The following UTRN variants were observed in gnomAD, a reference collection of about 807,000 sequenced individuals.
The protein encoded by UTRN is utrophin.
UTRN carries 283 observed loss-of-function variants against 463.9 expected under a neutral mutation model. That is an observed-to-expected ratio of 0.61 (90% CI 0.55 to 0.67). The LOEUF (loss-of-function observed/expected upper bound fraction) is 0.67, where lower values mean the gene tolerates loss of function less well. Ranked by LOEUF, UTRN falls within the 30% of genes least tolerant of loss-of-function variation. The probability of loss-of-function intolerance (pLI) is 0.00; values close to 1 mark genes in which losing one functional copy is unlikely to be tolerated. For missense variants in UTRN, 3,922 were observed against 4,084.3 expected, an observed-to-expected ratio of 0.96 and a Z score of 1.08; for synonymous variants, 1,442 against 1,431.5, an observed-to-expected ratio of 1.01 and a Z score of -0.17.
chr6:144,474,498 A>T, intron 24 of UTRN, 106 bp from the exon 25 acceptor site: 1 of 1,204,096 alleles, frequency 8.3e-7, no homozygotes, highest in Non-Finnish European at 1.1e-6. Flanking sequence ...ACTGACTCTT[A>T]AGCAGTCTGC....
chr6:144,355,797 G>A (rs963273114), intron 2 of UTRN, among the ~76,000 whole-genome samples: 4 of 151,926 alleles, frequency 2.6e-5, no homozygotes, highest in Non-Finnish European at 5.9e-5. Flanking sequence ...ACATTACTAT[G>A]TTACGTTGAT....
intron 74 of UTRN, among the ~76,000 whole-genome samples, chr6:144,850,234 A>G (rs1782373374): frequency 6.6e-6 from 1 of 152,186 alleles, no homozygotes; most frequent in South Asian, 2.1e-4. Context: ...CTCCGTGGGC[A>G]GTTTTTCCAG....
intron 52 of UTRN, among the ~76,000 whole-genome samples, chr6:144,697,365 T>A (rs576955827): frequency 2.6e-5 from 4 of 152,314 alleles, no homozygotes; most frequent in African/African-American, 9.6e-5. Context: ...ATTTAAGTTT[T>A]AAAATGCTTA....
chr6:144,551,751 C>T (rs1185478389), intron 48 of UTRN, among the ~76,000 whole-genome samples: 1 of 152,168 alleles, frequency 6.6e-6, no homozygotes, highest in Non-Finnish European at 1.5e-5. Context: ...CAATCTGCTG[C>T]CACTACCCCT....
At chr6:144,578,049 A>G (rs1801609804) in intron 51 of UTRN, among the ~76,000 whole-genome samples, 1 of 152,072 alleles carries the variant, frequency 6.6e-6, no homozygotes, top group Non-Finnish European at 1.5e-5. Context: ...CTAAAAATAC[A>G]AAAATTAGTC....
chr6:144,498,925 G>C (rs1185520685), intron 33 of UTRN, among the ~76,000 whole-genome samples: 1 of 151,944 alleles, frequency 6.6e-6, no homozygotes, highest in African/African-American at 2.4e-5. Flanking sequence ...TGCCTGCCTC[G>C]GCCTCCCAAA....
Position 144,403,166 on chromosome 6 carries a change from A to G in UTRN, c.123A>G (p.Ile41Met), listed in dbSNP as rs1315776238. ...DVQKKTFTKWINARFSKSGKP... is the reference protein window; with the variant it reads ...DVQKKTFTKWMNARFSKSGKP... Reference sequence around the variant, plus strand: ...AGAAGAAAACCTTTACCAAATGGATAAATGCTCGATTTTCAAAGGTAACTG... The same window carrying G: ...AGAAGAAAACCTTTACCAAATGGATGAATGCTCGATTTTCAAAGGTAACTG... Residue 41 changes from isoleucine to methionine, a missense_variant, in exon 3 of 75, where the codon ATA becomes ATG. Coordinates refer to ENST00000367545, the MANE Select transcript of UTRN (RefSeq NM_007124.3). 23 of 1,613,578 alleles carry G rather than the reference A, an allele frequency of 1.4e-5. No individual in the cohort carries two copies. Among genetic ancestry groups the G allele is most frequent in the Non-Finnish European group, 1.9e-5 (23 of 1,179,740 alleles).
intron 51 of UTRN, among the ~76,000 whole-genome samples, chr6:144,610,924 C>T (rs1289513553): frequency 6.6e-6 from 1 of 152,052 alleles, no homozygotes; most frequent in African/African-American, 2.4e-5. Context: ...AACAATAGGG[C>T]AATCTCCATA....
rs111846389 is a variant in UTRN at position 144,653,313 on chromosome 6, C to T, written c.7480-25093C>T. On this transcript the variant is annotated intron_variant, in intron 51 of 74. Transcript: ENST00000367545. The stretch of plus-strand genomic sequence containing the variant: ...AAATTATCTCCCTCTTGGCCAGGCA[C>T]GGTGGCTCACGCCTGTAATCCTAGC... Among the ~76,000 whole-genome samples the T allele has an allele frequency of 1.6e-3, 238 of 152,260 alleles. 1 individual carries two copies. Among genetic ancestry groups the T allele is most frequent in the African/African-American group, 5.6e-3 (232 of 41,558 alleles).
intron 50 of UTRN, among the ~76,000 whole-genome samples, chr6:144,563,066 G>A (rs1800078731): frequency 6.6e-6 from 1 of 152,072 alleles, no homozygotes; most frequent in Non-Finnish European, 1.5e-5. Flanking sequence ...GATTTATTCA[G>A]TAAGATAACT....
At chr6:144,346,903 TATC>T (rs1310028896) in intron 2 of UTRN, among the ~76,000 whole-genome samples, 5 of 151,394 alleles carry the variant, frequency 3.3e-5, no homozygotes, top group African/African-American at 9.7e-5. Context: ...TCTATCTATC[TATC>T]ATCTATCTAT....
At chr6:144,614,543 G>T (rs963924630) in intron 51 of UTRN, among the ~76,000 whole-genome samples, 2 of 152,132 alleles carry the variant, frequency 1.3e-5, no homozygotes, top group Non-Finnish European at 2.9e-5. Context: ...TGGATTACAT[G>T]TCAGTTGCAT....
chr6:144,429,867 G>C, intron 9 of UTRN, 126 bp downstream of exon 9: 1 of 986,794 alleles, frequency 1.0e-6, no homozygotes, highest in Non-Finnish European at 1.5e-6. Context: ...GCTTACATTT[G>C]CATAAGAAGT....
At position 144,612,478 on chromosome 6, in the gene UTRN, C is replaced by T. The variant is rs150023738; in HGVS notation, c.7479+35190C>T. Among the ~76,000 whole-genome samples the T allele has an allele frequency of 1.3e-3, 200 of 151,898 alleles. 1 individual carries two copies. The highest frequency in any genetic ancestry group is 6.0e-3 in the South Asian group (29 of 4,802). ...CGTACATCTGATAAGGGGTTAACAG[C>T]CAATATATATAAGCACTCAACTCAG... On this transcript the variant is annotated intron_variant, in intron 51 of 74. Coordinates refer to ENST00000367545, the MANE Select transcript of UTRN (RefSeq NM_007124.3).
intron 13 of UTRN, among the ~76,000 whole-genome samples, chr6:144,442,050 G>A (rs184894829): frequency 6.6e-6 from 1 of 152,228 alleles, no homozygotes; most frequent in South Asian, 2.1e-4. Flanking sequence ...TGATGGGAGG[G>A]GCTGATGTGA....
chr6:144,488,480 A>G (rs1434919255), intron 29 of UTRN, among the ~76,000 whole-genome samples, 193 bp from the exon 30 acceptor site: 1 of 152,172 alleles, frequency 6.6e-6, no homozygotes, highest in East Asian at 1.9e-4. Flanking sequence ...ATAATTAGTA[A>G]TTCAGCTGCA....
chr6:144,806,674 A>G (rs1026520172), intron 65 of UTRN, among the ~76,000 whole-genome samples: 3 of 134,462 alleles, frequency 2.2e-5, no homozygotes, highest in African/African-American at 8.1e-5. Context: ...TACTATTGGA[A>G]TTGTTCTTAT....
Position 144,437,740 on chromosome 6 carries a change from A to T in UTRN, c.1235A>T (p.Gln412Leu). Residue 412 changes from glutamine (Q) to leucine (L), a missense_variant, in exon 11 of 75, where the codon CAG (glutamine) becomes CTG (leucine). Physicochemically the swap from Gln to Leu is moderately radical, Grantham distance 113. Around this residue, in one of 3 missense-constraint regions of UTRN, gnomAD observed 2,349 missense variants for 2,303.8 expected, o/e 1.02. Coordinates refer to ENST00000367545, the MANE Select transcript of UTRN (RefSeq NM_007124.3). ...EALRVESMDR[Q>L]SRLHDVLMEL... ...CTTAGGGTGGAGAGTATGGACAGAC[A>T]GTCCCGGTGAGTGGAAAGCCAAGAA... The T allele has an allele frequency of 6.2e-7, 1 of 1,609,810 alleles. No individual in the cohort carries two copies.
At chr6:144,826,594 A>C (rs1033552097) in intron 66 of UTRN, among the ~76,000 whole-genome samples, 7 of 152,162 alleles carry the variant, frequency 4.6e-5, no homozygotes, top group African/African-American at 1.7e-4. Flanking sequence ...TGACATCCCC[A>C]GCATTAAGAG....
Sources: allele counts gnomAD v4.1 joint callset (sites outside exome capture counted in the v4.1 genomes callset), GRCh38; gene constraint gnomAD v4.1.1; regional missense constraint gnomAD v4.1.1; transcripts MANE v1.5; gene names NCBI Gene and HGNC (gene_info 2026-07-23, HGNC 2026-07-21).